Variants in SLC7A14 observed in about 807,000 individuals in gnomAD.
The protein encoded by SLC7A14 is solute carrier family 7 member 14, also known as gamma-aminobutyric acid transporter SLC7A14.
A neutral mutation model predicts 60.2 loss-of-function variants in SLC7A14; 37 were observed. That is an observed-to-expected ratio of 0.61 (90% CI 0.47 to 0.81). The LOEUF (loss-of-function observed/expected upper bound fraction) is 0.81, where lower values mean the gene tolerates loss of function less well. Ranked by LOEUF, SLC7A14 falls within the 30% of genes least tolerant of loss-of-function variation. SLC7A14 has a pLI of 0.00. For missense variants in SLC7A14, 886 were observed against 982.7 expected (o/e 0.90, Z 1.32); for synonymous variants, 399 against 395.8 (o/e 1.01, Z -0.10).
At chr3:170,568,221 A>C (rs1278709567) in intron 1 of SLC7A14, among the ~76,000 whole-genome samples, 2 of 152,144 alleles carry the variant, frequency 1.3e-5, no homozygotes, top group African/African-American at 2.4e-5. Flanking sequence ...TCAGCTTTCT[A>C]CATATGGCTA....
intron 4 of SLC7A14, 35 bp downstream of exon 4, chr3:170,498,632 G>C (rs745762555): frequency 1.3e-5 from 21 of 1,602,898 alleles, no homozygotes; most frequent in East Asian, 1.1e-4. Flanking sequence ...GGCAGAGTGT[G>C]TGACAGGCAC....
chr3:170,525,058 C>T (rs148793968), intron 2 of SLC7A14, among the ~76,000 whole-genome samples: 264 of 152,318 alleles, frequency 1.7e-3, no homozygotes, highest in African/African-American at 6.0e-3. Flanking sequence ...TATGATAGCA[C>T]GCATTGGTAC....
chr3:170,515,778 C>A (rs1713136894), intron 2 of SLC7A14, among the ~76,000 whole-genome samples: 1 of 152,132 alleles, frequency 6.6e-6, no homozygotes, highest in Admixed American at 6.6e-5. Flanking sequence ...GAATGACTTG[C>A]CTGAGGGCCC....
intron 1 of SLC7A14, among the ~76,000 whole-genome samples, chr3:170,536,166 G>T (rs893542205): frequency 6.6e-6 from 1 of 152,202 alleles, no homozygotes; most frequent in Non-Finnish European, 1.5e-5. Flanking sequence ...TTGTAAACCT[G>T]TCATGAGGAT....
chr3:170,527,219 G>T, intron 1 of SLC7A14, 131 bp from the exon 2 acceptor site: 2 of 449,080 alleles, frequency 4.5e-6, no homozygotes, highest in Middle Eastern at 6.2e-4. Flanking sequence ...ACACGGAAGG[G>T]TTCCATGGTT....
chr3:170,580,146 A>G (rs1242208288), intron 1 of SLC7A14, among the ~76,000 whole-genome samples: 1 of 152,250 alleles, frequency 6.6e-6, no homozygotes, highest in Non-Finnish European at 1.5e-5. Context: ...GTCTGAATTC[A>G]CCAAATATTT....
At chr3:170,567,038 AG>A (rs1343416710) in intron 1 of SLC7A14, among the ~76,000 whole-genome samples, 1 of 151,332 alleles carries the variant, frequency 6.6e-6, no homozygotes, top group Non-Finnish European at 1.5e-5. Flanking sequence ...TTTAAGTTTT[AG>A]GGTACATGTG....
rs200135617 is a variant in SLC7A14 at position 170,510,407 on chromosome 3, AAT to A, written c.305-9064_305-9063del. 1.7e-3 allele frequency among the ~76,000 whole-genome samples: 245 copies of A among 143,718 alleles called. 4 individuals carry two copies. Among genetic ancestry groups the A allele is most frequent in the East Asian group, 0.014 (66 of 4,722 alleles). The allele number at this position is 143,718 out of a possible 152,430, so 94.3% of individuals were successfully genotyped here. ...TCTGTCAAAAAAAAAAAAATAAATA[AAT>A]AAATAAATAAATAAAGAATGTAACC... On this transcript the variant is annotated intron_variant, in intron 2 of 7. Transcript: ENST00000231706.
chr3:170,521,897 G>A (rs1713351088), intron 2 of SLC7A14, among the ~76,000 whole-genome samples: 1 of 152,016 alleles, frequency 6.6e-6, no homozygotes, highest in African/African-American at 2.4e-5. Context: ...CACCAGCCTG[G>A]GAGACAGAGC....
intron 4 of SLC7A14, among the ~76,000 whole-genome samples, chr3:170,486,655 C>T (rs147250740): frequency 3.9e-5 from 6 of 152,152 alleles, no homozygotes; most frequent in East Asian, 1.9e-4. Flanking sequence ...GGGTGGATCA[C>T]GAGGTCAGGA....
rs184902874 is a variant in SLC7A14, at chr3:170,561,561, C to G, written c.-153+24350G>C. Among the ~76,000 whole-genome samples the G allele has an allele frequency of 2.3e-3, 347 of 152,310 alleles. 1 individual carries two copies. The highest frequency in any genetic ancestry group is 4.0e-3 in the Non-Finnish European group (275 of 68,032). On this transcript the variant is annotated intron_variant, in intron 1 of 7. Transcript: ENST00000231706. ...ACAAAATGAGGCTAGAATATCTGCT[C>G]TGCTTACCCCACAGGGTTATGACAA...
chr3:170,482,222 G>A (rs1711855552), intron 6 of SLC7A14, among the ~76,000 whole-genome samples: 1 of 152,124 alleles, frequency 6.6e-6, no homozygotes, highest in Non-Finnish European at 1.5e-5. Context: ...TATTTTTATG[G>A]TTCACACAAG....
rs778979333 is a variant in SLC7A14, at chr3:170,526,870, G to A, written c.67C>T (p.His23Tyr). ...VQWGAAWYAM[H>Y]SRILRTKPVE... ...GGTTTGGTGCGTAGGATCCTGGAGTGCATTGCATACCAGGCAGCTCCCCAC... is the reference window on the plus strand; with the variant it reads ...GGTTTGGTGCGTAGGATCCTGGAGTACATTGCATACCAGGCAGCTCCCCAC... The change falls in exon 2 of 8, where the codon CAC becomes TAC. Residue 23 changes from histidine (H) to tyrosine (Y), a missense_variant. Transcript: ENST00000231706. The A allele has an allele frequency of 8.7e-6, 14 of 1,613,910 alleles. No individual in the cohort carries two copies. Among genetic ancestry groups the A allele is most frequent in the Admixed American group, 1.7e-5 (1 of 59,986 alleles).
chr3:170,585,415 T>C lies in SLC7A14; in HGVS notation c.-153+496A>G, dbSNP rs1197502296. On this transcript the variant is annotated intron_variant, in intron 1 of 7. Transcript: ENST00000231706. The surrounding 1 kb of genome is among the most constrained non-coding windows in gnomAD (Gnocchi z 5.1). ...AAAAGGGCAGACGTTGCTCCCGACC[T>C]CCCCGGAGTCTGCGGCCGGAAAAGC... Among the ~76,000 whole-genome samples, 2 of 151,968 alleles carry C rather than the reference T, an allele frequency of 1.3e-5. No individual in the cohort carries two copies. The highest frequency in any genetic ancestry group is 4.8e-5 in the African/African-American group (2 of 41,364).
chr3:170,503,621 T>C (rs548177856), intron 2 of SLC7A14, among the ~76,000 whole-genome samples: 9 of 152,322 alleles, frequency 5.9e-5, no homozygotes, highest in Admixed American at 2.0e-4. Context: ...CCACCTGATA[T>C]TGTACAAGAT....
Position 170,527,121 on chromosome 3 carries a change from G to C in SLC7A14, c.-152-33C>G, listed in dbSNP as rs1005482900. 5 of 638,934 alleles carry C rather than the reference G, an allele frequency of 7.8e-6. No homozygotes were observed. The African/African-American group carries it at 9.2e-5, about 12-fold the overall frequency. 39.6% of individuals were successfully genotyped at this position (638,934 alleles called of 1,614,324 possible). ...AAAAACACAAGAAAGCAGAAGATGA[G>C]ACCGAGTGAGAAACAAACCTTGACT... On this transcript the variant is annotated intron_variant, in intron 1 of 7. Coordinates refer to ENST00000231706, the MANE Select transcript of SLC7A14 (RefSeq NM_020949.3).
chr3:170,529,079 G>T (rs1188848494), intron 1 of SLC7A14, among the ~76,000 whole-genome samples: 1 of 152,202 alleles, frequency 6.6e-6, no homozygotes, highest in Non-Finnish European at 1.5e-5. Context: ...TCCCTGAAAA[G>T]CTTGGCCTTT....
chr3:170,529,054 G>T (rs1219495579), intron 1 of SLC7A14, among the ~76,000 whole-genome samples: 1 of 152,166 alleles, frequency 6.6e-6, no homozygotes, highest in Admixed American at 6.5e-5. Context: ...AAGTGAGAGG[G>T]TTTATTTTTG....
Position 170,581,564 on chromosome 3 carries a change from G to A in SLC7A14, c.-153+4347C>T, listed in dbSNP as rs572780064. Reference sequence around the variant, plus strand: ...TCAATAACTAAATTTTTTCTTCACCGTTCCACTTTTCAGTGAAATAAATGA... The same window carrying A: ...TCAATAACTAAATTTTTTCTTCACCATTCCACTTTTCAGTGAAATAAATGA... On this transcript the variant is annotated intron_variant, in intron 1 of 7. Coordinates refer to ENST00000231706, the MANE Select transcript of SLC7A14 (RefSeq NM_020949.3). 4.6e-5 allele frequency among the ~76,000 whole-genome samples: 7 copies of A among 152,050 alleles called. No homozygotes were observed. In the East Asian group the frequency reaches 5.8e-4, roughly 13 times the overall value.
Sources: gnomAD v4.1 joint callset for allele counts (sites outside exome capture counted in the v4.1 genomes callset) on GRCh38, gnomAD v4.1.1 for gene constraint, Gnocchi (gnomAD v3.1) non-coding constraint, MANE v1.5 for transcripts, NCBI Gene and HGNC (gene_info 2026-07-23, HGNC 2026-07-21) for gene names.